EFL1: variants seen among roughly 807,000 people sequenced by gnomAD.
The protein encoded by EFL1 is elongation factor like GTPase 1, also known as elongation factor-like GTPase 1.
Under a neutral mutation model 126.7 loss-of-function variants are expected in EFL1, and 76 were observed. That is an observed-to-expected ratio of 0.60 (90% CI 0.50 to 0.73). The LOEUF (loss-of-function observed/expected upper bound fraction) is 0.73. EFL1 is among the 30% of genes least tolerant of loss of function. The pLI is 0.00. For missense variants in EFL1, 1,128 were observed against 1,343.2 expected (o/e 0.84, Z 2.50); for synonymous variants, 410 against 448.4 (o/e 0.91, Z 1.08).
At chr15:82,223,773 A>G (rs1360129938) in intron 12 of EFL1, among the ~76,000 whole-genome samples, 3 of 152,216 alleles carry the variant, frequency 2.0e-5, no homozygotes, top group African/African-American at 7.2e-5. Context: ...GCCTAGATAC[A>G]TAATTAGACA....
At chr15:82,169,437 T>C (rs2074111253) in intron 15 of EFL1, among the ~76,000 whole-genome samples, 1 of 151,950 alleles carries the variant, frequency 6.6e-6, no homozygotes, top group Non-Finnish European at 1.5e-5. Context: ...GAGGTAGAGC[T>C]GCTAAGTCTT....
chr15:82,159,681 G>T (rs1421646829), intron 16 of EFL1, among the ~76,000 whole-genome samples: 1 of 151,890 alleles, frequency 6.6e-6, no homozygotes, highest in East Asian at 1.9e-4. Flanking sequence ...AAAGATATAA[G>T]AATTAACAAA....
intron 15 of EFL1, among the ~76,000 whole-genome samples, chr15:82,167,319 T>C (rs549465382): frequency 6.6e-6 from 1 of 152,354 alleles, no homozygotes; most frequent in Admixed American, 6.5e-5. Flanking sequence ...TAAATTGGCA[T>C]GTGAACTCTA....
At chr15:82,174,710 G>C (rs2074175932) in intron 15 of EFL1, among the ~76,000 whole-genome samples, 1 of 152,162 alleles carries the variant, frequency 6.6e-6, no homozygotes, top group African/African-American at 2.4e-5. Flanking sequence ...TTCAGTTTAA[G>C]AAGGCTGTGT....
At chr15:82,216,930 A>T (rs370345918) in intron 14 of EFL1, among the ~76,000 whole-genome samples, 1 of 152,162 alleles carries the variant, frequency 6.6e-6, no homozygotes, top group African/African-American at 2.4e-5. Context: ...AAAACTGACA[A>T]GGAATTAGTA....
chr15:82,232,687 C>T (rs961501509), intron 7 of EFL1, among the ~76,000 whole-genome samples: 16 of 152,142 alleles, frequency 1.1e-4, no homozygotes, highest in African/African-American at 3.9e-4. Context: ...ATTTGGTTGA[C>T]ATAATCTGAG....
chr15:82,148,037 T>C (rs1417498572), intron 18 of EFL1, among the ~76,000 whole-genome samples: 1 of 152,202 alleles, frequency 6.6e-6, no homozygotes, highest in Non-Finnish European at 1.5e-5. Flanking sequence ...TTTTTTATTT[T>C]TTTAGATTTT....
chr15:82,224,987 G>A (rs1366978923), intron 12 of EFL1, among the ~76,000 whole-genome samples, 178 bp downstream of exon 12: 1 of 152,158 alleles, frequency 6.6e-6, no homozygotes, highest in Non-Finnish European at 1.5e-5. Context: ...TCCTACAGAG[G>A]TATCACAAAA....
chr15:82,239,495 C>G (rs2074909128), intron 6 of EFL1, among the ~76,000 whole-genome samples: 1 of 152,172 alleles, frequency 6.6e-6, no homozygotes, highest in Non-Finnish European at 1.5e-5. Flanking sequence ...CACTGTTCTA[C>G]TTTTATTGTT....
intron 15 of EFL1, among the ~76,000 whole-genome samples, chr15:82,200,051 G>A (rs2074450805): frequency 6.6e-6 from 1 of 152,178 alleles, no homozygotes; most frequent in South Asian, 2.1e-4. Flanking sequence ...GGGAAACGTG[G>A]TAGTGAAACA....
intron 4 of EFL1, among the ~76,000 whole-genome samples, chr15:82,248,962 A>G (rs929914796): frequency 1.3e-5 from 2 of 152,140 alleles, no homozygotes; most frequent in African/African-American, 4.8e-5. Context: ...AGGTGTTAGA[A>G]TAAGTAAGCT....
intron 4 of EFL1, among the ~76,000 whole-genome samples, chr15:82,250,480 C>T (rs1297784133): frequency 7.3e-6 from 1 of 137,060 alleles, no homozygotes; most frequent in African/African-American, 2.8e-5. Context: ...CCGCATCCTG[C>T]TCTTGAGCCT....
At position 82,229,099 on chromosome 15, in the gene EFL1, C is replaced by G; in HGVS notation, c.867G>C (p.Lys289Asn). The change falls in exon 9 of 20, where the codon AAG (lysine) becomes AAC (asparagine). Residue 289 changes from lysine (K) to asparagine (N), a missense_variant. Around this residue, in one of 6 missense-constraint regions of EFL1, gnomAD observed 316 missense variants for 318.5 expected, o/e 0.99. Coordinates refer to ENST00000268206, the MANE Select transcript of EFL1 (RefSeq NM_024580.6). ...GGATCAACTGTACAAATAAAGGTTT[C>G]TTTCCTTTGGCCTGTACAAAAGAAC... ...KIMKGDQAKG[K>N]KPLFVQLILE... is the part of the protein sequence containing the mutation. The G allele has an allele frequency of 6.2e-7, 1 of 1,610,788 alleles. No individual in the cohort carries two copies. The highest frequency in any genetic ancestry group is 8.5e-7 in the Non-Finnish European group (1 of 1,179,368).
intron 4 of EFL1, among the ~76,000 whole-genome samples, chr15:82,251,042 C>T (rs1428674295): frequency 2.0e-5 from 3 of 151,810 alleles, no homozygotes; most frequent in East Asian, 1.9e-4. Flanking sequence ...TGAAACCCCG[C>T]CTCTACTAAA....
intron 18 of EFL1, 134 bp from the exon 19 acceptor site, chr15:82,138,976 G>T: frequency 1.2e-6 from 1 of 837,662 alleles, no homozygotes; most frequent in South Asian, 3.1e-5. Context: ...ATTTACAAAA[G>T]CAAGGAACAC....
At chr15:82,237,756 A>AC (rs1195495203) in intron 7 of EFL1, among the ~76,000 whole-genome samples, 1 of 151,894 alleles carries the variant, frequency 6.6e-6, no homozygotes, top group African/African-American at 2.4e-5. Flanking sequence ...GAAAAAAAAA[A>AC]AAAACACCAG....
intron 12 of EFL1, among the ~76,000 whole-genome samples, 158 bp from the exon 13 acceptor site, chr15:82,220,387 A>G (rs575014260): frequency 6.6e-6 from 1 of 152,278 alleles, no homozygotes; most frequent in East Asian, 1.9e-4. Flanking sequence ...GAGAGGGCCT[A>G]TCAGCCTCTC....
intron 15 of EFL1, among the ~76,000 whole-genome samples, chr15:82,209,966 T>G (rs914811173): frequency 6.6e-6 from 1 of 152,208 alleles, no homozygotes; most frequent in African/African-American, 2.4e-5. Context: ...CTTGATAAAT[T>G]TACTGACTCC....
intron 15 of EFL1, among the ~76,000 whole-genome samples, chr15:82,199,756 A>C (rs1417111607): frequency 6.6e-6 from 1 of 152,234 alleles, no homozygotes; most frequent in Admixed American, 6.5e-5. Context: ...CTAGGAAGGC[A>C]ACTTGCTTAG....
Sources: allele counts gnomAD v4.1 joint callset (sites outside exome capture counted in the v4.1 genomes callset), GRCh38; gene constraint gnomAD v4.1.1; regional missense constraint gnomAD v4.1.1; transcripts MANE v1.5; gene names NCBI Gene and HGNC (gene_info 2026-07-23, HGNC 2026-07-21).